The following ODF2L variants were observed in gnomAD, a reference collection of about 807,000 sequenced individuals.
ODF2L encodes the protein outer dense fiber of sperm tails 2 like.
A neutral mutation model predicts 86.3 loss-of-function variants in ODF2L; 76 were observed. That is an observed-to-expected ratio of 0.88 (90% confidence interval 0.73 to 1.07). ODF2L has a LOEUF of 1.07. Among genes scored for constraint, ODF2L ranks in the 50% least tolerant of loss-of-function variants. The pLI is 0.00. For missense variants in ODF2L, 748 were observed against 717.4 expected (o/e 1.04, Z -0.49); for synonymous variants, 241 against 231.3 (o/e 1.04, Z -0.38).
In ODF2L at chr1:86,383,114, G is replaced by C. The variant is rs374748753; in HGVS notation, c.435+20C>G. 1 of 1,491,578 alleles carries C rather than the reference G, an allele frequency of 6.7e-7. No individual in the cohort carries two copies. The highest frequency in any genetic ancestry group is 1.2e-5 in the South Asian group (1 of 85,460). 92.4% of individuals were successfully genotyped at this position (1,491,578 alleles called of 1,614,324 possible). A position where few individuals can be genotyped will look rare whatever the true frequency, so the allele number is the denominator to read the frequency against. ...CAATGACAGGAAGAATGGACACAAAGTAAGTGTGGAAAGACTTACAGTATT... is the reference window on the plus strand; with the variant it reads ...CAATGACAGGAAGAATGGACACAAACTAAGTGTGGAAAGACTTACAGTATT... On this transcript the variant is annotated intron_variant, in intron 5 of 17. Coordinates refer to ENST00000317336, the Ensembl canonical transcript of ODF2L.
intron 11 of ODF2L, chr1:86,368,623 A>T (rs1314778907): frequency 7.1e-7 from 1 of 1,402,016 alleles, no homozygotes. Flanking sequence ...TGGCAGTATG[A>T]GTAATAAAAT....
intron 11 of ODF2L, among the ~76,000 whole-genome samples, chr1:86,365,999 G>A (rs753981982): frequency 4.6e-5 from 7 of 152,144 alleles, no homozygotes; most frequent in Non-Finnish European, 1.0e-4. Flanking sequence ...GAATAACAGA[G>A]GGACGGTGCT....
At chr1:86,355,318 G>A in intron 14 of ODF2L, 1 of 1,456,366 alleles carries the variant, frequency 6.9e-7, no homozygotes, top group Non-Finnish European at 9.4e-7. Context: ...GAAGCAAAGT[G>A]AACAAATCAA....
At chr1:86,358,118 GCAACC>G (rs1285888538) in intron 13 of ODF2L, 1 of 983,822 alleles carries the variant, frequency 1.0e-6, no homozygotes, top group African/African-American at 1.7e-5. Flanking sequence ...AAGATAGGGA[GCAACC>G]CAGAGAGAGT....
At chr1:86,351,524 C>G (rs1037501064) in exon 18 of ODF2L, 1 of 151,972 alleles carries the variant, frequency 6.6e-6, no homozygotes, top group Admixed American at 6.6e-5. Flanking sequence ...AGTCAGGTAG[C>G]GTGATGCCTA....
chr1:86,390,432 T>A (rs1661241015), intron 1 of ODF2L, among the ~76,000 whole-genome samples: 1 of 151,184 alleles, frequency 6.6e-6, no homozygotes, highest in Non-Finnish European at 1.5e-5. Flanking sequence ...AAAAAAAAAA[T>A]TCTTAACAAA....
chr1:86,366,867 C>T (rs2100965110), intron 11 of ODF2L, among the ~76,000 whole-genome samples: 1 of 152,074 alleles, frequency 6.6e-6, no homozygotes, highest in South Asian at 2.1e-4. Context: ...ATCAGCAGTA[C>T]ACCCAGACAG....
At chr1:86,365,762 G>A (rs1454259109) in intron 11 of ODF2L, among the ~76,000 whole-genome samples, 4 of 152,162 alleles carry the variant, frequency 2.6e-5, no homozygotes, top group African/African-American at 9.7e-5. Flanking sequence ...AGCTAACGAG[G>A]AAGTTCATCT....
intron 7 of ODF2L, among the ~76,000 whole-genome samples, chr1:86,380,321 C>G (rs1225585671): frequency 1.3e-5 from 2 of 151,870 alleles, no homozygotes; most frequent in African/African-American, 2.4e-5. Context: ...AGAGAAGGAG[C>G]AATACATTCT....
At chr1:86,356,540 C>A in exon 14 of ODF2L, 1 of 1,614,064 alleles carries the variant, frequency 6.2e-7, no homozygotes, top group East Asian at 2.2e-5. Context: ...TCCGTTCCGC[C>A]GCCGTCAAGG....
At chr1:86,364,805 A>G (rs986392689) in intron 11 of ODF2L, among the ~76,000 whole-genome samples, 1 of 152,214 alleles carries the variant, frequency 6.6e-6, no homozygotes, top group African/African-American at 2.4e-5. Context: ...AAAGCTAAAG[A>G]GCCACATCAG....
intron 10 of ODF2L, among the ~76,000 whole-genome samples, chr1:86,369,261 T>C (rs1271952268): frequency 6.6e-6 from 1 of 152,070 alleles, no homozygotes; most frequent in African/African-American, 2.4e-5. Flanking sequence ...TATCACAATG[T>C]CACTGCTAAA....
At chr1:86,360,455 T>G in exon 12 of ODF2L, 1 of 1,575,896 alleles carries the variant, frequency 6.3e-7, no homozygotes, top group Non-Finnish European at 8.7e-7. Flanking sequence ...ATAAGGGTTT[T>G]CTGTTTTTTT....
exon 1 of ODF2L, chr1:86,396,278 TC>T (rs1372074933): frequency 6.6e-6 from 1 of 152,276 alleles, no homozygotes; most frequent in East Asian, 1.9e-4. Context: ...GAGTGCCCGC[TC>T]AAGTGGAACA....
exon 1 of ODF2L, chr1:86,396,322 C>G (rs926887955): frequency 1.3e-5 from 2 of 152,528 alleles, no homozygotes; most frequent in Non-Finnish European, 2.9e-5. Flanking sequence ...AGTGGCTTCT[C>G]TGGCAACGGC....
chr1:86,364,061 C>T (rs1272196404), intron 11 of ODF2L, among the ~76,000 whole-genome samples: 1 of 151,982 alleles, frequency 6.6e-6, no homozygotes, highest in Non-Finnish European at 1.5e-5. Context: ...AAATACATTT[C>T]TTAACTATTA....
At chr1:86,360,734 A>T in intron 11 of ODF2L, 198 bp from the exon 11 acceptor site, 1 of 359,864 alleles carries the variant, frequency 2.8e-6, no homozygotes, top group Non-Finnish European at 4.9e-6. Context: ...ATTAAGATTT[A>T]CACAGGACAT....
chr1:86,375,972 T>G (rs540340999), intron 8 of ODF2L, among the ~76,000 whole-genome samples: 14 of 152,186 alleles, frequency 9.2e-5, no homozygotes, highest in East Asian at 3.8e-4. Context: ...GAACCTTTTT[T>G]TGTGTGTGGA....
At chr1:86,368,813 A>C (rs1659614595) in intron 10 of ODF2L, 4 of 1,103,596 alleles carry the variant, frequency 3.6e-6, no homozygotes, top group Non-Finnish European at 4.7e-6. Context: ...AATAACCTGA[A>C]TGTCCAACAA....
Sources: gnomAD v4.1 joint callset for allele counts (sites outside exome capture counted in the v4.1 genomes callset) on GRCh38, gnomAD v4.1.1 for gene constraint, MANE v1.5 for transcripts, NCBI Gene and HGNC (gene_info 2026-07-23, HGNC 2026-07-21) for gene names.